Variants in ATXN10 observed in about 807,000 individuals in gnomAD.
ATXN10 encodes the protein ataxin-10.
In ATXN10, 28 loss-of-function variants were observed where a neutral mutation model predicts 52.9. The ratio of observed to expected loss-of-function variants is 0.53; its 90% confidence interval spans 0.39 to 0.73. ATXN10 has a LOEUF of 0.73. Among genes scored for constraint, ATXN10 ranks in the 30% least tolerant of loss-of-function variants. The pLI, the probability that ATXN10 is intolerant of heterozygous loss-of-function variation, is 0.00. For synonymous variants in ATXN10, 226 were observed against 221.5 expected (o/e 1.02, Z -0.18); for missense variants, 565 against 577.0 (o/e 0.98, Z 0.21).
chr22:45,675,199 A>G (rs1326276284), intron 1 of ATXN10: 2 of 152,174 alleles, frequency 1.3e-5, no homozygotes, highest in East Asian at 1.9e-4. Context: ...AATTGCAGCT[A>G]TTTCAGGAAG....
chr22:45,687,713 T>G (rs1012734230), intron 1 of ATXN10, among the ~76,000 whole-genome samples: 3 of 152,226 alleles, frequency 2.0e-5, no homozygotes, highest in Non-Finnish European at 4.4e-5. Flanking sequence ...GGTTATTTTC[T>G]TAGCTGATGA....
At chr22:45,711,704 A>G (rs964272405) in intron 5 of ATXN10, among the ~76,000 whole-genome samples, 7 of 152,210 alleles carry the variant, frequency 4.6e-5, no homozygotes, top group Middle Eastern at 3.4e-3. Flanking sequence ...ATATTTAATT[A>G]AAAAAAACCC....
At chr22:45,676,331 C>T (rs1922688480) in intron 1 of ATXN10, 1 of 151,850 alleles carries the variant, frequency 6.6e-6, no homozygotes, top group Non-Finnish European at 1.5e-5. Flanking sequence ...ATCTCCAGAC[C>T]CCACAAAGTG....
chr22:45,700,341 T>G lies in ATXN10; in HGVS notation c.451T>G (p.Ser151Ala). The G allele has an allele frequency of 1.2e-6, 2 of 1,614,128 alleles. No individual in the cohort carries two copies. Residue 151 changes from serine to alanine, a missense_variant, in exon 4 of 12, where the codon TCT (serine) becomes GCT (alanine). Physicochemically the swap from Ser to Ala is moderately conservative, Grantham distance 99. Coordinates refer to ENST00000252934, the MANE Select transcript of ATXN10 (RefSeq NM_013236.4). ...NIASRNEDSQ[S>A]IVWVHAFPEL... ...TGCCTCACGGAATGAAGATTCCCAG[T>G]CTATTGTTTGGGTGCATGCTTTCCC...
chr22:45,720,741 A>G (rs547251038), intron 6 of ATXN10, among the ~76,000 whole-genome samples: 2 of 152,138 alleles, frequency 1.3e-5, no homozygotes, highest in South Asian at 4.1e-4. Flanking sequence ...TTTATTTCCT[A>G]CTGGTGGGAA....
rs1266919765 is a variant in ATXN10 at position 45,689,505 on chromosome 22, T to A, written c.117-207T>A. On this transcript the variant is annotated intron_variant, in intron 1 of 11. Transcript: ENST00000252934. The stretch of plus-strand genomic sequence containing the variant: ...AAGGCTGTTGCAGAGACTGAGATAA[T>A]ACATGAGAAGTGACAAGAACAGTGT... The A allele has an allele frequency of 6.7e-6, 4 of 597,026 alleles. No individual in the cohort carries two copies. The African/African-American group carries it at 7.4e-5, about 11-fold the overall frequency. The allele number at this position is 597,026 out of a possible 1,614,324, so 37.0% of individuals were successfully genotyped here.
chr22:45,798,111 A>G (rs1283393752), intron 9 of ATXN10, among the ~76,000 whole-genome samples: 1 of 152,258 alleles, frequency 6.6e-6, no homozygotes, highest in Non-Finnish European at 1.5e-5. Flanking sequence ...GAAGGAAAGC[A>G]TATACCCAAT....
intron 6 of ATXN10, 111 bp from the exon 7 acceptor site, chr22:45,729,314 G>C (rs1326810785): frequency 9.2e-7 from 1 of 1,084,332 alleles, no homozygotes; most frequent in African/African-American, 1.6e-5. Context: ...TTAGAAGCAA[G>C]GTAAGGAATT....
rs1351037169 is a variant in ATXN10, at chr22:45,818,484, C to T, written c.1237+11462C>T. 6.6e-6 allele frequency among the ~76,000 whole-genome samples: 1 copy of T among 152,142 alleles called. No individual in the cohort carries two copies. Among genetic ancestry groups the T allele is most frequent in the African/African-American group, 2.4e-5 (1 of 41,436 alleles). ...AAGCAAGACTCTGCATGCTTATTCT[C>T]ACATCAGTCAGAAGACGCCAGCCTG... On this transcript the variant is annotated intron_variant, in intron 10 of 11. Transcript: ENST00000252934. This position sits in a 1 kb window ranked among gnomAD's most constrained non-coding sequence, Gnocchi z 4.6.
intron 9 of ATXN10, among the ~76,000 whole-genome samples, chr22:45,764,064 G>C (rs9614775): frequency 6.6e-6 from 1 of 152,202 alleles, no homozygotes; most frequent in Non-Finnish European, 1.5e-5. Context: ...ATCCTGCAGC[G>C]TGTGCTTGAA....
At chr22:45,723,537 G>A (rs899903433) in intron 6 of ATXN10, among the ~76,000 whole-genome samples, 3 of 152,106 alleles carry the variant, frequency 2.0e-5, no homozygotes, top group African/African-American at 4.8e-5. Flanking sequence ...CTAACTTCCC[G>A]CCTGCTGAGT....
At position 45,705,338 on chromosome 22, in the gene ATXN10, A is replaced by G. The variant is rs1923997376; in HGVS notation, c.647+2491A>G. Among the ~76,000 whole-genome samples, 1 of 152,088 alleles carries G rather than the reference A, an allele frequency of 6.6e-6. No homozygotes were observed. The highest frequency in any genetic ancestry group is 1.5e-5 in the Non-Finnish European group (1 of 68,042). ...GTAAAGGATCGGTATTCATCTTTAAATATGTGGTAGAATTCACTGGTGAAG... is the reference window on the plus strand; with the variant it reads ...GTAAAGGATCGGTATTCATCTTTAAGTATGTGGTAGAATTCACTGGTGAAG... On this transcript the variant is annotated intron_variant, in intron 5 of 11. Transcript: ENST00000252934. The surrounding 1 kb of genome is among the most constrained non-coding windows in gnomAD (Gnocchi z 5.2).
chr22:45,731,597 A>G (rs983207567), intron 7 of ATXN10, among the ~76,000 whole-genome samples: 13 of 152,206 alleles, frequency 8.5e-5, no homozygotes, highest in Admixed American at 3.3e-4. Context: ...ACACTGGAGG[A>G]GAGGGATTGG....
chr22:45,758,083 T>C (rs1926240457), intron 9 of ATXN10, among the ~76,000 whole-genome samples: 1 of 152,156 alleles, frequency 6.6e-6, no homozygotes, highest in Non-Finnish European at 1.5e-5. Flanking sequence ...CCCCGTGCAG[T>C]GGGTAGGGGA....
intron 10 of ATXN10, among the ~76,000 whole-genome samples, chr22:45,812,330 A>G (rs1348788078): frequency 6.6e-6 from 1 of 152,180 alleles, no homozygotes; most frequent in African/African-American, 2.4e-5. Flanking sequence ...ATATAAATAT[A>G]CCATTGTCTT....
At position 45,689,695 on chromosome 22, in the gene ATXN10, A is replaced by G. The variant is rs758501570; in HGVS notation, c.117-17A>G. 3 of 1,610,650 alleles carry G rather than the reference A, an allele frequency of 1.9e-6. No homozygotes were observed. In the African/African-American group the frequency reaches 4.0e-5, roughly 22 times the overall value. The stretch of plus-strand genomic sequence containing the variant: ...AATCTTTTTTTTCTGATTCGTGATA[A>G]TTTTATCCTTTTTCAGAGAAACAGC... On this transcript the variant is annotated splice_polypyrimidine_tract_variant and intron_variant, in intron 1 of 11. Coordinates refer to ENST00000252934, the MANE Select transcript of ATXN10 (RefSeq NM_013236.4).
rs536870833 is a variant in ATXN10 at position 45,818,289 on chromosome 22, T to C, written c.1237+11267T>C. On this transcript the variant is annotated intron_variant, in intron 10 of 11. Transcript: ENST00000252934. This position sits in a 1 kb window ranked among gnomAD's most constrained non-coding sequence, Gnocchi z 4.6. The stretch of plus-strand genomic sequence containing the variant: ...TTCCAGGGCATTAACAGTTATGCAC[T>C]TGTGTGTCTTTAGAGCCATGGTCAC... 6.6e-6 allele frequency among the ~76,000 whole-genome samples: 1 copy of C among 152,296 alleles called. No homozygotes were observed. The highest frequency in any genetic ancestry group is 1.9e-4 in the East Asian group (1 of 5,156).
Position 45,672,093 on chromosome 22 carries a change from G to T in ATXN10, c.30G>T (p.Arg10Ser). Reference sequence around the variant, plus strand: ...CGGCGCCCAGGCCGCCGCCTGCCAGGCTGTCGGGCGTCATGGTGCCGGCGC... The same window carrying T: ...CGGCGCCCAGGCCGCCGCCTGCCAGTCTGTCGGGCGTCATGGTGCCGGCGC... MAAPRPPPA[R>S]LSGVMVPAPI... The change falls in exon 1 of 12, where the codon AGG (arginine) becomes AGT (serine). Residue 10 changes from arginine (R) to serine (S), a missense_variant. Coordinates refer to ENST00000252934, the MANE Select transcript of ATXN10 (RefSeq NM_013236.4). The T allele has an allele frequency of 1.9e-6, 3 of 1,538,846 alleles. No homozygotes were observed. The highest frequency in any genetic ancestry group is 2.6e-6 in the Non-Finnish European group (3 of 1,145,394).
chr22:45,737,989 C>A (rs542043880), intron 7 of ATXN10, among the ~76,000 whole-genome samples: 1 of 152,138 alleles, frequency 6.6e-6, no homozygotes, highest in African/African-American at 2.4e-5. Context: ...TCTTTATGGA[C>A]TAACTTTATA....
Sources: allele counts gnomAD v4.1 joint callset (sites outside exome capture counted in the v4.1 genomes callset), GRCh38; gene constraint gnomAD v4.1.1; non-coding constraint Gnocchi (gnomAD v3.1); transcripts MANE v1.5; gene names NCBI Gene and HGNC (gene_info 2026-07-23, HGNC 2026-07-21).